GRIK4: variants seen among roughly 807,000 people sequenced by gnomAD.
The protein encoded by GRIK4 is glutamate ionotropic receptor kainate type subunit 4, also known as glutamate receptor ionotropic, kainate 4.
A neutral mutation model predicts 104.9 loss-of-function variants in GRIK4; 40 were observed. The observed-to-expected ratio is 0.38, with a 90% confidence interval of 0.30 to 0.50. GRIK4 has a LOEUF of 0.50. Among genes scored for constraint, GRIK4 ranks in the 20% least tolerant of loss-of-function variants. The pLI, the probability that GRIK4 is intolerant of heterozygous loss-of-function variation, is 0.93. For synonymous variants in GRIK4, 485 were observed against 524.9 expected, an observed-to-expected ratio of 0.92 and a Z score of 1.04; for missense variants, 1,047 against 1,308.1, an observed-to-expected ratio of 0.80 and a Z score of 3.08.
chr11:120,539,022 T>G (rs1324903353), intron 1 of GRIK4, among the ~76,000 whole-genome samples: 1 of 152,180 alleles, frequency 6.6e-6, no homozygotes, highest in Non-Finnish European at 1.5e-5. Context: ...GCTTCTTGGG[T>G]GTACCCAAGG....
intron 1 of GRIK4, among the ~76,000 whole-genome samples, chr11:120,577,198 A>G (rs2135085517): frequency 6.6e-6 from 1 of 152,230 alleles, no homozygotes; most frequent in African/African-American, 2.4e-5. Context: ...ATATGTGGAG[A>G]GGCGGGGCAG....
intron 7 of GRIK4, 107 bp from the exon 8 acceptor site, chr11:120,836,684 A>T: frequency 1.3e-6 from 1 of 763,216 alleles, no homozygotes. Context: ...GCCTGGTGCC[A>T]AGGGGCAGTG....
intron 1 of GRIK4, among the ~76,000 whole-genome samples, chr11:120,518,626 A>T (rs1050269832): frequency 1.3e-5 from 2 of 151,994 alleles, no homozygotes; most frequent in Non-Finnish European, 2.9e-5. Context: ...TCTTTTTAAA[A>T]TTTTTTAAAT....
chr11:120,793,388 G>A (rs954844339), intron 3 of GRIK4, among the ~76,000 whole-genome samples: 1 of 152,132 alleles, frequency 6.6e-6, no homozygotes, highest in Non-Finnish European at 1.5e-5. Context: ...TAGCACAGGG[G>A]AGCCAGCAGG....
intron 3 of GRIK4, among the ~76,000 whole-genome samples, chr11:120,761,374 A>G (rs1951746849): frequency 6.6e-6 from 1 of 152,182 alleles, no homozygotes; most frequent in African/African-American, 2.4e-5. Context: ...ATAGATTGCA[A>G]AAATTTTCTC....
chr11:120,883,350 C>T (rs74758587), intron 11 of GRIK4, among the ~76,000 whole-genome samples: 3,448 of 152,296 alleles, frequency 0.023, 119 homozygotes, highest in African/African-American at 0.076. Flanking sequence ...CAAACCTCCC[C>T]GCTGACAACT....
chr11:120,829,351 C>T (rs1178903081), intron 6 of GRIK4, among the ~76,000 whole-genome samples: 1 of 152,026 alleles, frequency 6.6e-6, no homozygotes, highest in Admixed American at 6.5e-5. Flanking sequence ...CTCCACTTTA[C>T]ATATAGGACA....
chr11:120,938,983 C>T (rs1289163752), intron 13 of GRIK4, among the ~76,000 whole-genome samples: 1 of 152,136 alleles, frequency 6.6e-6, no homozygotes, highest in African/African-American at 2.4e-5. Context: ...TGAGAACCAC[C>T]ATAGAGGATT....
At chr11:120,734,725 C>G (rs936350325) in intron 3 of GRIK4, among the ~76,000 whole-genome samples, 1 of 152,050 alleles carries the variant, frequency 6.6e-6, no homozygotes. Context: ...ATGTTTCATT[C>G]TTTTTTCTCC....
intron 1 of GRIK4, among the ~76,000 whole-genome samples, chr11:120,563,111 G>A (rs1948261048): frequency 6.6e-6 from 1 of 152,246 alleles, no homozygotes; most frequent in Non-Finnish European, 1.5e-5. Flanking sequence ...GTAAAACCCG[G>A]GAATCAGCTC....
intron 3 of GRIK4, among the ~76,000 whole-genome samples, chr11:120,663,866 G>C (rs969307217): frequency 6.6e-6 from 1 of 152,072 alleles, no homozygotes; most frequent in Non-Finnish European, 1.5e-5. Context: ...CCTCTGCAAA[G>C]TCCTTTCCCG....
intron 1 of GRIK4, among the ~76,000 whole-genome samples, chr11:120,514,194 C>T (rs1947695866): frequency 1.3e-5 from 2 of 152,136 alleles, no homozygotes; most frequent in Non-Finnish European, 2.9e-5. Flanking sequence ...CAGCGCCAAG[C>T]GTGTGTGGGA....
rs374637639 is a variant in GRIK4, at chr11:120,562,069, G to A, written c.-159+50182G>A. ...TGCCAGATGGGCTGACACTGAGGGC[G>A]TACACACAATAAGGGGAGGGAGAAT... On this transcript the variant is annotated intron_variant, in intron 1 of 20. Coordinates refer to ENST00000527524, the MANE Select transcript of GRIK4 (RefSeq NM_014619.5). 4.1e-4 allele frequency among the ~76,000 whole-genome samples: 63 copies of A among 152,280 alleles called. No homozygotes were observed. In the South Asian group the frequency reaches 0.012, roughly 30 times the overall value.
At chr11:120,937,366 G>A (rs755233356) in intron 13 of GRIK4, among the ~76,000 whole-genome samples, 5 of 152,190 alleles carry the variant, frequency 3.3e-5, no homozygotes, top group Admixed American at 1.3e-4. Flanking sequence ...GTAAAATAAC[G>A]AAGGCACATG....
chr11:120,629,995 C>T (rs1022664460), intron 1 of GRIK4, among the ~76,000 whole-genome samples: 4 of 152,240 alleles, frequency 2.6e-5, no homozygotes, highest in Non-Finnish European at 4.4e-5. Context: ...AAATAAAAGG[C>T]ACCTGGCATT....
At chr11:120,750,862 T>C (rs981642820) in intron 3 of GRIK4, among the ~76,000 whole-genome samples, 2 of 152,178 alleles carry the variant, frequency 1.3e-5, no homozygotes, top group Non-Finnish European at 2.9e-5. Context: ...TAGGCATTGT[T>C]ACCCTCATCA....
chr11:120,588,192 C>G (rs887454619), intron 1 of GRIK4, among the ~76,000 whole-genome samples: 1 of 152,144 alleles, frequency 6.6e-6, no homozygotes, highest in East Asian at 1.9e-4. Flanking sequence ...TGGGGCCACC[C>G]GGAATCCAGG....
At chr11:120,970,471 G>T (rs1944457064) in intron 19 of GRIK4, among the ~76,000 whole-genome samples, 1 of 152,096 alleles carries the variant, frequency 6.6e-6, no homozygotes, top group Non-Finnish European at 1.5e-5. Context: ...TTGAGCCTTT[G>T]TTTCCCCTTT....
intron 3 of GRIK4, among the ~76,000 whole-genome samples, chr11:120,671,671 G>GAGAA (rs1415381788): frequency 6.6e-6 from 1 of 152,158 alleles, no homozygotes; most frequent in Admixed American, 6.5e-5. Flanking sequence ...CTCCCATTCT[G>GAGAA]CAGGTTGCCT....
Sources: allele counts gnomAD v4.1 joint callset (sites outside exome capture counted in the v4.1 genomes callset), GRCh38; gene constraint gnomAD v4.1.1; transcripts MANE v1.5; gene names NCBI Gene and HGNC (gene_info 2026-07-23, HGNC 2026-07-21).